Variants in IL10RB observed in about 807,000 individuals in gnomAD.
IL10RB encodes the protein interleukin 10 receptor subunit beta, also known as interleukin-10 receptor subunit beta.
A neutral mutation model predicts 38.7 loss-of-function variants in IL10RB; 30 were observed. That is an observed-to-expected ratio of 0.78 (90% confidence interval 0.58 to 1.05). The LOEUF is 1.05. Ranked by LOEUF, IL10RB falls within the 50% of genes least tolerant of loss-of-function variation. The pLI, the probability that IL10RB is intolerant of heterozygous loss-of-function variation, is 0.00. For synonymous variants in IL10RB, 142 were observed against 145.9 expected (o/e 0.97, Z 0.19); for missense variants, 328 against 397.1 (o/e 0.83, Z 1.48).
chr21:33,268,973 T>A (rs867897362), intron 2 of IL10RB, among the ~76,000 whole-genome samples: 6 of 152,198 alleles, frequency 3.9e-5, no homozygotes, highest in Non-Finnish European at 8.8e-5. Flanking sequence ...GGAAGCCCCT[T>A]GCTACCATAT....
chr21:33,266,367 A>G lies in IL10RB; in HGVS notation c.-99A>G, dbSNP rs1323535156. The G allele has an allele frequency of 2.9e-6, 4 of 1,373,566 alleles. No individual in the cohort carries two copies. Among genetic ancestry groups the G allele is most frequent in the African/African-American group, 1.5e-5 (1 of 67,050 alleles). The allele number at this position is 1,373,566 out of a possible 1,614,324, so 85.1% of individuals were successfully genotyped here. A position where few individuals can be genotyped will look rare whatever the true frequency, so the allele number is the denominator to read the frequency against. On this transcript the variant is annotated 5_prime_UTR_variant, in exon 1 of 7. Transcript: ENST00000290200. ...GGCCCCTCCCCACCCCGCCCCGCCCATCTCCGCTGGTTCCCGGAAGCCGCC... is the reference window on the plus strand; with the variant it reads ...GGCCCCTCCCCACCCCGCCCCGCCCGTCTCCGCTGGTTCCCGGAAGCCGCC...
At chr21:33,287,820 C>T (rs1198899576) in intron 5 of IL10RB, among the ~76,000 whole-genome samples, 3 of 152,108 alleles carry the variant, frequency 2.0e-5, no homozygotes, top group African/African-American at 7.2e-5. Flanking sequence ...CCTGGGAGGC[C>T]CATTGCTACA....
In IL10RB at chr21:33,296,332, C is replaced by T. The variant is rs141414815; in HGVS notation, c.953C>T (p.Pro318Leu). ...NPGDSCSLGT[P>L]PGQGPQS ...GGTGACAGCTGCAGCCTCGGGACCCCGCCTGGGCAGGGGCCCCAAAGCTAG... is the reference window on the plus strand; with the variant it reads ...GGTGACAGCTGCAGCCTCGGGACCCTGCCTGGGCAGGGGCCCCAAAGCTAG... The change falls in exon 7 of 7, where the codon CCG (proline) becomes CTG (leucine). Residue 318 changes from proline (P) to leucine (L), a missense_variant. Pro to Leu is a moderately conservative substitution (Grantham distance 98). Transcript: ENST00000290200. 2.8e-5 allele frequency: 45 copies of T among 1,613,788 alleles called. No individual in the cohort carries two copies. In the African/African-American group the frequency reaches 4.5e-4, roughly 16 times the overall value.
At chr21:33,277,049 TGTG>T (rs8178475) in intron 3 of IL10RB, among the ~76,000 whole-genome samples, 55,007 of 151,880 alleles carry the variant, frequency 0.36, 10,709 homozygotes, top group Non-Finnish European at 0.45. Context: ...GAAGGATTCT[TGTG>T]GTGAATTTTC....
chr21:33,273,655 T>C (rs1445672901), intron 2 of IL10RB, among the ~76,000 whole-genome samples: 1 of 152,208 alleles, frequency 6.6e-6, no homozygotes, highest in African/African-American at 2.4e-5. Flanking sequence ...TGCTGTTCGG[T>C]AGCATTTTAC....
At position 33,266,505 on chromosome 21, in the gene IL10RB, C is replaced by T. The variant is rs1416789848; in HGVS notation, c.40C>T (p.Leu14=). The T allele has an allele frequency of 5.2e-6, 8 of 1,543,016 alleles. No individual in the cohort carries two copies. The Admixed American group carries it at 9.8e-5, about 19-fold the overall frequency. Residue 14 remains leucine, a synonymous_variant, in exon 1 of 7, where the codon CTG becomes TTG. Coordinates refer to ENST00000290200, the MANE Select transcript of IL10RB (RefSeq NM_000628.5). Reference sequence around the variant, plus strand: ...TGGGAGCTGGCTGGGTGGCTGCCTGCTGGTGTCAGGTGAGGGGTCCGCGGG... The same window carrying T: ...TGGGAGCTGGCTGGGTGGCTGCCTGTTGGTGTCAGGTGAGGGGTCCGCGGG... ...SLGSWLGGCL[L]VSALGMVPPP...
intron 5 of IL10RB, 115 bp from the exon 6 acceptor site, chr21:33,287,989 C>T: frequency 2.0e-6 from 2 of 1,003,248 alleles, no homozygotes; most frequent in South Asian, 1.3e-5. Context: ...TCTGAGACGT[C>T]CCCCAAGATA....
chr21:33,274,927 A>G (rs187612233), intron 2 of IL10RB, among the ~76,000 whole-genome samples: 1 of 152,346 alleles, frequency 6.6e-6, no homozygotes, highest in East Asian at 1.9e-4. Flanking sequence ...TGTAACTATG[A>G]AAGTCCTAGA....
intron 5 of IL10RB, among the ~76,000 whole-genome samples, chr21:33,284,543 A>G (rs1989339494): frequency 6.6e-6 from 1 of 152,176 alleles, no homozygotes; most frequent in Non-Finnish European, 1.5e-5. Context: ...GAAGGTTCAG[A>G]GAGTGATGCA....
intron 1 of IL10RB, among the ~76,000 whole-genome samples, chr21:33,304,059 A>G (rs1269431954): frequency 2.6e-5 from 4 of 152,216 alleles, no homozygotes; most frequent in Non-Finnish European, 5.9e-5. Context: ...AGCCCGCTAG[A>G]AAACCAGTGA....
intron 1 of IL10RB, 50 bp downstream of exon 1, chr21:33,266,564 G>A (rs1453731229): frequency 1.6e-5 from 24 of 1,518,562 alleles, no homozygotes; most frequent in Non-Finnish European, 2.0e-5. Flanking sequence ...GAGGCCCCGC[G>A]AGATGCCGCC....
intron 6 of IL10RB, 62 bp from the exon 7 acceptor site, chr21:33,296,122 T>C: frequency 3.0e-6 from 4 of 1,331,258 alleles, no homozygotes; most frequent in Non-Finnish European, 4.3e-6. Flanking sequence ...GAAAAAATCT[T>C]TGTAAACCCA....
intron 6 of IL10RB, 83 bp downstream of exon 6, chr21:33,288,344 G>A (rs1989416285): frequency 8.3e-7 from 1 of 1,200,162 alleles, no homozygotes. Context: ...CCCAATTCCA[G>A]ACAACATGTT....
At chr21:33,294,695 T>C (rs1989556356) in intron 6 of IL10RB, among the ~76,000 whole-genome samples, 5 of 152,130 alleles carry the variant, frequency 3.3e-5, no homozygotes, top group African/African-American at 1.2e-4. Context: ...CATTAAGTCA[T>C]ACCAGAAGGC....
Position 33,286,439 on chromosome 21 carries a change from G to T in IL10RB, c.647-1665G>T, listed in dbSNP as rs8178516. Among the ~76,000 whole-genome samples, 277 of 152,332 alleles carry T rather than the reference G, an allele frequency of 1.8e-3. 2 individuals carry two copies. The highest frequency in any genetic ancestry group is 6.2e-3 in the African/African-American group (257 of 41,570). ...AGGGCAGCTGGAGGAGGGACCTGGA[G>T]CCGAACAAGGGGAGCTGGGACCACG... On this transcript the variant is annotated intron_variant, in intron 5 of 6. Transcript: ENST00000290200.
chr21:33,270,547 A>AT (rs1046278061), intron 2 of IL10RB, among the ~76,000 whole-genome samples: 1 of 150,476 alleles, frequency 6.6e-6, no homozygotes, highest in Non-Finnish European at 1.5e-5. Flanking sequence ...CGCCCGGCTA[A>AT]TTTTTTTTAG....
intron 6 of IL10RB, among the ~76,000 whole-genome samples, chr21:33,291,803 G>A (rs1284036747): frequency 2.6e-5 from 4 of 152,148 alleles, no homozygotes; most frequent in African/African-American, 4.8e-5. Flanking sequence ...GGGGAATGCC[G>A]TCATATCAGG....
intron 1 of IL10RB, among the ~76,000 whole-genome samples, chr21:33,266,912 C>T (rs1159030043): frequency 6.6e-6 from 1 of 152,102 alleles, no homozygotes; most frequent in African/African-American, 2.4e-5. Context: ...CCCCACCAGT[C>T]CCCGAGTGCC....
chr21:33,267,291 C>G (rs1022983604), intron 1 of IL10RB, among the ~76,000 whole-genome samples: 3 of 151,904 alleles, frequency 2.0e-5, no homozygotes. Context: ...GGCCTTTTCT[C>G]TCCTTCCCTG....
Sources: allele counts gnomAD v4.1 joint callset (sites outside exome capture counted in the v4.1 genomes callset), GRCh38; gene constraint gnomAD v4.1.1; transcripts MANE v1.5; gene names NCBI Gene and HGNC (gene_info 2026-07-23, HGNC 2026-07-21).